The following PRIM2 variants were observed in gnomAD, a reference collection of about 807,000 sequenced individuals.
PRIM2 encodes the protein DNA primase subunit 2, also known as DNA primase large subunit.
In PRIM2, 39 loss-of-function variants were observed where a neutral mutation model predicts 67.3. That is an observed-to-expected ratio of 0.58 (90% CI 0.45 to 0.76). PRIM2 has a LOEUF of 0.76. Ranked by LOEUF, PRIM2 falls within the 30% of genes least tolerant of loss-of-function variation. PRIM2 has a pLI of 0.00. For synonymous variants in PRIM2, 143 were observed against 198.7 expected (o/e 0.72, Z 2.36); for missense variants, 398 against 598.7 (o/e 0.66, Z 3.50).
the PRIM2 span, among the ~76,000 whole-genome samples, chr6:57,298,194 T>C: frequency 6.6e-6 from 1 of 152,024 alleles, no homozygotes; most frequent in Non-Finnish European, 1.5e-5. Flanking sequence ...ACCCCGTCTC[T>C]ACTAAAGATA....
chr6:57,596,280 G>A (rs1469265191), intron 10 of PRIM2, among the ~76,000 whole-genome samples: 1 of 150,914 alleles, frequency 6.6e-6, no homozygotes, highest in Non-Finnish European at 1.5e-5. Context: ...ACACTGCTCG[G>A]CAATAAAAAA....
At chr6:57,371,724 C>G (rs1769564373) in intron 5 of PRIM2, among the ~76,000 whole-genome samples, 2 of 152,208 alleles carry the variant, frequency 1.3e-5, no homozygotes, top group South Asian at 4.1e-4. Context: ...AATGAAAGAG[C>G]ATCGTGAAGA....
chr6:57,526,584 G>A (rs1554349424), intron 8 of PRIM2, among the ~76,000 whole-genome samples: 1 of 151,866 alleles, frequency 6.6e-6, no homozygotes, highest in Admixed American at 6.6e-5. Context: ...AATGTTCTTC[G>A]GTCTTCTATA....
At chr6:57,428,019 G>A (rs1365826334) in intron 7 of PRIM2, among the ~76,000 whole-genome samples, 1 of 151,924 alleles carries the variant, frequency 6.6e-6, no homozygotes, top group Non-Finnish European at 1.5e-5. Context: ...GAATCCTGTG[G>A]CTACATTTAG....
chr6:57,340,042 A>G (rs201381783), intron 5 of PRIM2, among the ~76,000 whole-genome samples: 2 of 152,162 alleles, frequency 1.3e-5, no homozygotes, highest in South Asian at 2.1e-4. Flanking sequence ...AAAAGTGGGC[A>G]AAGGACATGA....
the PRIM2 span, chr6:57,222,409 A>G: frequency 6.6e-6 from 1 of 152,360 alleles, no homozygotes; most frequent in Admixed American, 6.5e-5. Flanking sequence ...AGGCGCCTCC[A>G]AGGGAGCCCG....
intron 7 of PRIM2, among the ~76,000 whole-genome samples, chr6:57,496,835 GA>G (rs1371352710): frequency 7.9e-5 from 12 of 152,110 alleles, no homozygotes; most frequent in African/African-American, 2.4e-4. Context: ...ATTTTTGGCT[GA>G]AAAAAATGTC....
intron 5 of PRIM2, among the ~76,000 whole-genome samples, chr6:57,371,641 AT>A (rs1355738988): frequency 6.6e-6 from 1 of 152,198 alleles, no homozygotes; most frequent in Non-Finnish European, 1.5e-5. Flanking sequence ...ATTTTATTTA[AT>A]TTCAGATAAA....
chr6:57,225,262 G>T, the PRIM2 span, among the ~76,000 whole-genome samples: 29 of 152,212 alleles, frequency 1.9e-4, 1 homozygote, highest in African/African-American at 6.7e-4. Flanking sequence ...AATTTAATTT[G>T]CAGGCTTCTG....
intron 7 of PRIM2, among the ~76,000 whole-genome samples, chr6:57,484,363 T>C (rs1468142963): frequency 6.6e-6 from 1 of 152,210 alleles, no homozygotes; most frequent in Non-Finnish European, 1.5e-5. Flanking sequence ...CTGTTAGCTG[T>C]TGTCGTCGCT....
chr6:57,499,186 C>G, intron 7 of PRIM2, among the ~76,000 whole-genome samples: 1 of 152,326 alleles, frequency 6.6e-6, no homozygotes, highest in Admixed American at 6.5e-5. Context: ...CAATGTTACA[C>G]AACTTCAAGT....
chr6:57,400,091 GT>G (rs1343541453), intron 7 of PRIM2, among the ~76,000 whole-genome samples: 1 of 152,272 alleles, frequency 6.6e-6, no homozygotes, highest in Non-Finnish European at 1.5e-5. Flanking sequence ...GGGACATGTA[GT>G]CCATTTACAT....
chr6:57,318,601 T>A lies in PRIM2; in HGVS notation c.154+2T>A. The A allele has an allele frequency of 6.5e-7, 1 of 1,541,848 alleles. No homozygotes were observed. The highest frequency in any genetic ancestry group is 8.8e-7 in the Non-Finnish European group (1 of 1,136,002). ...ACTTGGCTATTGATAGAGTTAAATGTAAGTACTATTTAAATTAGAATGTAT... is the reference window on the plus strand; with the variant it reads ...ACTTGGCTATTGATAGAGTTAAATGAAAGTACTATTTAAATTAGAATGTAT... On this transcript the variant is annotated splice_donor_variant, in intron 2 of 13. Coordinates refer to ENST00000615550, the MANE Select transcript of PRIM2 (RefSeq NM_000947.5). LOFTEE classifies it high-confidence loss of function.
At chr6:57,310,385 C>T (rs1302037392), upstream of PRIM2, among the ~76,000 whole-genome samples, 1 of 152,254 alleles carries the variant, frequency 6.6e-6, no homozygotes, top group Non-Finnish European at 1.5e-5. Flanking sequence ...TATAGATTAA[C>T]AGCATCCCAA....
At chr6:57,486,371 C>G (rs1429634852) in intron 7 of PRIM2, among the ~76,000 whole-genome samples, 8 of 152,222 alleles carry the variant, frequency 5.3e-5, no homozygotes, top group African/African-American at 1.9e-4. Flanking sequence ...CAATTTGCAA[C>G]CTACGGCATG....
upstream of PRIM2, among the ~76,000 whole-genome samples, chr6:57,310,748 G>A (rs927041386): frequency 6.6e-6 from 1 of 150,428 alleles, no homozygotes; most frequent in African/African-American, 2.5e-5. Flanking sequence ...CAGACGGGGT[G>A]GCCAGGCAGA....
At chr6:57,247,392 A>T in the PRIM2 span, among the ~76,000 whole-genome samples, 3 of 152,224 alleles carry the variant, frequency 2.0e-5, no homozygotes, top group Admixed American at 6.5e-5. Flanking sequence ...AATTTTGGGA[A>T]TTTGTAAAGT....
intron 10 of PRIM2, among the ~76,000 whole-genome samples, chr6:57,585,870 C>G (rs1233475672): frequency 6.6e-6 from 1 of 152,190 alleles, no homozygotes; most frequent in Non-Finnish European, 1.5e-5. Context: ...CTAAGTCCAT[C>G]TTGTGTTCAG....
At chr6:57,464,053 T>C (rs1773101717) in intron 7 of PRIM2, among the ~76,000 whole-genome samples, 1 of 152,124 alleles carries the variant, frequency 6.6e-6, no homozygotes, top group Non-Finnish European at 1.5e-5. Context: ...GTGGCACCTC[T>C]CTCAGTTAGC....
Sources: allele counts gnomAD v4.1 joint callset (sites outside exome capture counted in the v4.1 genomes callset), GRCh38; gene constraint gnomAD v4.1.1; transcripts MANE v1.5; gene names NCBI Gene and HGNC (gene_info 2026-07-23, HGNC 2026-07-21).